The following NLRP11 variants were observed in gnomAD, a reference collection of about 807,000 sequenced individuals.
NLRP11 encodes the protein NLR family pyrin domain containing 11.
NLRP11 carries 53 observed loss-of-function variants against 79.3 expected under a neutral mutation model. The ratio of observed to expected loss-of-function variants is 0.67; its 90% confidence interval spans 0.54 to 0.84. The LOEUF (loss-of-function observed/expected upper bound fraction) is 0.84. Among genes scored for constraint, NLRP11 ranks in the 40% least tolerant of loss-of-function variants. NLRP11 has a pLI of 0.00. For synonymous variants in NLRP11, 518 were observed against 462.6 expected (o/e 1.12, Z -1.54); for missense variants, 1,264 against 1,255.0 (o/e 1.01, Z -0.11).
rs553733612 is a variant in NLRP11 at position 55,791,735 on chromosome 19, G to A, written c.2513+566C>T. ...AAAATACGAGAAGTTTGATTATTCA[G>A]CATCATTGATGAGGCACACTCAAAA... On this transcript the variant is annotated intron_variant, in intron 7 of 9. Coordinates refer to ENST00000589093, the Ensembl canonical transcript of NLRP11. Among the ~76,000 whole-genome samples the A allele has an allele frequency of 3.3e-5, 5 of 152,184 alleles. No homozygotes were observed. In the East Asian group the frequency reaches 9.7e-4, roughly 29 times the overall value.
At chr19:55,812,879 A>G (rs938066625) in intron 2 of NLRP11, among the ~76,000 whole-genome samples, 1 of 152,160 alleles carries the variant, frequency 6.6e-6, no homozygotes, top group Non-Finnish European at 1.5e-5. Flanking sequence ...ACCAGGCTGC[A>G]TCTTTATTGT....
At chr19:55,794,202 C>T (rs1211610596) in intron 6 of NLRP11, among the ~76,000 whole-genome samples, 1 of 151,936 alleles carries the variant, frequency 6.6e-6, no homozygotes, top group Non-Finnish European at 1.5e-5. Context: ...GCATAAAAAA[C>T]ATCGAATGTG....
At chr19:55,812,233 A>G (rs560024331) in intron 2 of NLRP11, among the ~76,000 whole-genome samples, 2 of 152,364 alleles carry the variant, frequency 1.3e-5, no homozygotes, top group East Asian at 1.9e-4. Flanking sequence ...TTAGGTATAT[A>G]GAGTATAAGA....
At position 55,801,865 on chromosome 19, in the gene NLRP11, T is replaced by C. The variant is rs1979515532; in HGVS notation, c.2004-126A>G. On this transcript the variant is annotated intron_variant, in intron 4 of 9. Transcript: ENST00000589093. ...AGTGGATTACATCCTCACACATGGC[T>C]CTCGATCTTAAATTTCTAGTCAGGT... 27 of 747,486 alleles carry C rather than the reference T, an allele frequency of 3.6e-5. No individual in the cohort carries two copies. In the South Asian group the frequency reaches 4.2e-4, roughly 12 times the overall value. 46.3% of individuals were successfully genotyped at this position (747,486 alleles called of 1,614,324 possible).
At chr19:55,807,714 T>A (rs1418469349) in intron 4 of NLRP11, 139 bp downstream of exon 4, 1 of 544,412 alleles carries the variant, frequency 1.8e-6, no homozygotes, top group Non-Finnish European at 3.2e-6. Flanking sequence ...TAAAGATGGT[T>A]GAGAAGTACA....
intron 5 of NLRP11, among the ~76,000 whole-genome samples, chr19:55,800,638 C>A (rs1331678209): frequency 6.6e-6 from 1 of 151,990 alleles, no homozygotes; most frequent in Non-Finnish European, 1.5e-5. Context: ...AGGTTGATTC[C>A]AAATTATTGG....
In NLRP11 at chr19:55,791,845, G is replaced by A. The variant is rs558948225; in HGVS notation, c.2513+456C>T. The stretch of plus-strand genomic sequence containing the variant: ...TGCCTAAATTAGATGTCTTTGGTAG[G>A]TACCAGTGGCTTGGATATGGCCACC... On this transcript the variant is annotated intron_variant, in intron 7 of 9. Transcript: ENST00000589093. 1.1e-4 allele frequency among the ~76,000 whole-genome samples: 17 copies of A among 152,224 alleles called. No individual in the cohort carries two copies. The South Asian group carries it at 1.9e-3, about 17-fold the overall frequency.
exon 3 of NLRP11, chr19:55,810,324 A>T (rs1378104099): frequency 6.2e-7 from 1 of 1,609,216 alleles, no homozygotes; most frequent in Non-Finnish European, 8.5e-7. Context: ...ACAGCTTTGC[A>T]TGCCTCCTGA....
intron 5 of NLRP11, among the ~76,000 whole-genome samples, chr19:55,796,485 A>G (rs1230858402): frequency 6.6e-6 from 1 of 152,106 alleles, no homozygotes; most frequent in African/African-American, 2.4e-5. Context: ...CCTCTTTTGC[A>G]TTCATCTCCA....
chr19:55,831,778 A>G lies in NLRP11; in HGVS notation c.-63+185T>C, dbSNP rs142196919. Among the ~76,000 whole-genome samples, 1,033 of 152,140 alleles carry G rather than the reference A, an allele frequency of 6.8e-3. 10 individuals are homozygous for G. The highest frequency in any genetic ancestry group is 0.023 in the African/African-American group (973 of 41,522). On this transcript the variant is annotated intron_variant, in intron 1 of 9. Transcript: ENST00000589093. ...TCAAAAAAAAAAAAAGCATGACCCA[A>G]ATTTACTCATGTGAACTTGAAAAAG...
rs764400117 is a variant in NLRP11, at chr19:55,807,902, T to A, written c.1954A>T (p.Ile652Phe). 2 of 1,612,808 alleles carry A rather than the reference T, an allele frequency of 1.2e-6. No homozygotes were observed. The highest frequency in any genetic ancestry group is 1.3e-5 in the African/African-American group (1 of 74,892). Reference sequence around the variant, plus strand: ...GAATGCTCCAGGGCTTTAGACAGAATCCTTTCTGAAATACCATTAAGGTCA... The same window carrying A: ...GAATGCTCCAGGGCTTTAGACAGAAACCTTTCTGAAATACCATTAAGGTCA... The change falls in exon 4 of 10, where the codon ATT (isoleucine) becomes TTT (phenylalanine). Residue 652 changes from isoleucine (I) to phenylalanine (F), a missense_variant. Physicochemically the swap from Ile to Phe is conservative, Grantham distance 21. Coordinates refer to ENST00000589093, the Ensembl canonical transcript of NLRP11.
At position 55,811,601 on chromosome 19, in the gene NLRP11, T is replaced by G. The variant is rs182585627; in HGVS notation, c.272-1263A>C. ...CTCTAGACTACCAGGGCTGCCTAGT[T>G]CCGACCTAGCACATCTCAACAGCCT... On this transcript the variant is annotated intron_variant, in intron 2 of 9. Coordinates refer to ENST00000589093, the Ensembl canonical transcript of NLRP11. 1.8e-4 allele frequency among the ~76,000 whole-genome samples: 27 copies of G among 152,242 alleles called. 1 individual carries two copies. The South Asian group carries it at 3.7e-3, about 21-fold the overall frequency.
rs570893346 is a variant in NLRP11 at position 55,797,672 on chromosome 19, T to C, written c.2172-1422A>G. Among the ~76,000 whole-genome samples, 5 of 152,336 alleles carry C rather than the reference T, an allele frequency of 3.3e-5. No individual in the cohort carries two copies. In the South Asian group the frequency reaches 8.3e-4, roughly 25 times the overall value. ...CTGAGCGAAGACTCTCACTGAGCCA[T>C]CGTACTTGGCCTGTGTATTCTATTT... On this transcript the variant is annotated intron_variant, in intron 5 of 9. Transcript: ENST00000589093.
At chr19:55,794,717 G>A (rs1000930728) in intron 6 of NLRP11, among the ~76,000 whole-genome samples, 3 of 151,580 alleles carry the variant, frequency 2.0e-5, no homozygotes, top group Non-Finnish European at 2.9e-5. Flanking sequence ...CCGAGATCGC[G>A]CCACCGCACT....
exon 2 of NLRP11, chr19:55,818,108 A>G: frequency 6.2e-7 from 1 of 1,614,016 alleles, no homozygotes; most frequent in Non-Finnish European, 8.5e-7. Flanking sequence ...AAACTCTGAA[A>G]TTCCTTGTCA....
At chr19:55,816,101 A>G (rs1600195901) in intron 2 of NLRP11, among the ~76,000 whole-genome samples, 1 of 152,228 alleles carries the variant, frequency 6.6e-6, no homozygotes, top group African/African-American at 2.4e-5. Flanking sequence ...GTTGTCTTCA[A>G]TATTAGAGGA....
chr19:55,808,117 C>A, intron 3 of NLRP11, 103 bp from the exon 4 acceptor site: 1 of 740,762 alleles, frequency 1.3e-6, no homozygotes, highest in East Asian at 2.6e-5. Flanking sequence ...TGTTGTCTGA[C>A]TCAGATTTAA....
intron 4 of NLRP11, among the ~76,000 whole-genome samples, chr19:55,806,377 C>T (rs965267587): frequency 9.2e-5 from 14 of 152,194 alleles, no homozygotes; most frequent in Admixed American, 1.3e-4. Context: ...TGGCTCTCGC[C>T]GTCATTTCCC....
intron 1 of NLRP11, among the ~76,000 whole-genome samples, chr19:55,827,037 A>G (rs1374652554): frequency 3.4e-5 from 5 of 146,342 alleles, no homozygotes; most frequent in Non-Finnish European, 7.5e-5. Context: ...ACAGTAACCA[A>G]AACAGCATGG....
Sources: allele counts gnomAD v4.1 joint callset (sites outside exome capture counted in the v4.1 genomes callset), GRCh38; gene constraint gnomAD v4.1.1; transcripts MANE v1.5; gene names NCBI Gene and HGNC (gene_info 2026-07-23, HGNC 2026-07-21).